The following PKIB variants were observed in gnomAD, a reference collection of about 807,000 sequenced individuals.
PKIB encodes the protein cAMP-dependent protein kinase inhibitor beta.
Under a neutral mutation model 4.5 loss-of-function variants are expected in PKIB, and 2 were observed. That is an observed-to-expected ratio of 0.44 (90% CI 0.18 to 1.39). The LOEUF (loss-of-function observed/expected upper bound fraction) is 1.39, where lower values mean the gene tolerates loss of function less well. Ranked by LOEUF, PKIB falls within the 40% of genes most tolerant of loss-of-function variation. PKIB has a pLI of 0.27. For missense variants in PKIB, 94 were observed against 92.6 expected, an observed-to-expected ratio of 1.02 and a Z score of -0.06; for synonymous variants, 38 against 36.0, an observed-to-expected ratio of 1.06 and a Z score of -0.20.
intron 3 of PKIB, among the ~76,000 whole-genome samples, chr6:122,589,070 C>T: frequency 6.6e-6 from 1 of 152,218 alleles, no homozygotes; most frequent in East Asian, 1.9e-4. Context: ...AGGAATATCT[C>T]TTCAACTAAG....
intron 1 of PKIB, among the ~76,000 whole-genome samples, chr6:122,627,378 T>A (rs777947988): frequency 6.6e-6 from 1 of 152,210 alleles, no homozygotes; most frequent in Non-Finnish European, 1.5e-5. Flanking sequence ...TGAGTTCAAA[T>A]GTATCACTTC....
intron 2 of PKIB, chr6:122,479,521 CAG>C (rs1775543820): frequency 1.3e-5 from 2 of 152,232 alleles, no homozygotes; most frequent in South Asian, 4.2e-4. Flanking sequence ...TATCACAAAA[CAG>C]AAATGAGAGT....
At chr6:122,576,858 G>T (rs925680619) in intron 2 of PKIB, among the ~76,000 whole-genome samples, 1 of 151,432 alleles carries the variant, frequency 6.6e-6, no homozygotes, top group East Asian at 1.9e-4. Context: ...GCCTGGCTTT[G>T]TGTGTAATTA....
intron 3 of PKIB, among the ~76,000 whole-genome samples, chr6:122,586,697 C>T (rs1773858029): frequency 6.6e-6 from 1 of 152,058 alleles, no homozygotes; most frequent in African/African-American, 2.4e-5. Context: ...TGTGTGTACT[C>T]CTTATAATTG....
intron 2 of PKIB, among the ~76,000 whole-genome samples, chr6:122,502,645 C>T (rs1776277210): frequency 6.6e-6 from 1 of 152,108 alleles, no homozygotes; most frequent in African/African-American, 2.4e-5. Flanking sequence ...CTAGGCCCTT[C>T]CTCAACCTGT....
At chr6:122,707,187 C>T (rs1244838449) in intron 3 of PKIB, among the ~76,000 whole-genome samples, 1 of 151,794 alleles carries the variant, frequency 6.6e-6, no homozygotes, top group Non-Finnish European at 1.5e-5. Flanking sequence ...GTTGTTTGCC[C>T]TTTGGTTGGG....
intron 1 of PKIB, among the ~76,000 whole-genome samples, chr6:122,616,712 T>G (rs1484484944): frequency 6.6e-6 from 1 of 150,582 alleles, no homozygotes; most frequent in African/African-American, 2.4e-5. Flanking sequence ...GGTGAGTAGT[T>G]TTTTTTTTTC....
intron 2 of PKIB, chr6:122,652,728 T>A (rs2114884516): frequency 6.6e-6 from 1 of 152,306 alleles, no homozygotes; most frequent in South Asian, 2.1e-4. Flanking sequence ...AGATTGAAGC[T>A]AATTATCCGC....
intron 1 of PKIB, among the ~76,000 whole-genome samples, chr6:122,623,618 T>C (rs2114796310): frequency 6.6e-6 from 1 of 152,284 alleles, no homozygotes; most frequent in African/African-American, 2.4e-5. Flanking sequence ...CTTTGTTGGC[T>C]TTGAGATCTG....
intron 2 of PKIB, among the ~76,000 whole-genome samples, chr6:122,665,815 C>A (rs956178387): frequency 1.3e-5 from 2 of 152,124 alleles, no homozygotes; most frequent in Non-Finnish European, 2.9e-5. Flanking sequence ...TCCTCCACCC[C>A]CTAACCTGAC....
At chr6:122,500,786 A>T (rs536199267) in intron 2 of PKIB, among the ~76,000 whole-genome samples, 1 of 152,194 alleles carries the variant, frequency 6.6e-6, no homozygotes, top group African/African-American at 2.4e-5. Flanking sequence ...TCACAGTTCT[A>T]CAAGCTGCAC....
In PKIB at chr6:122,586,599, T is replaced by C. The variant is rs12194285; in HGVS notation, c.-161+592T>C. Among the ~76,000 whole-genome samples the C allele has an allele frequency of 1.1e-3, 173 of 152,312 alleles. 1 individual carries two copies. Among genetic ancestry groups the C allele is most frequent in the Non-Finnish European group, 2.1e-3 (142 of 68,012 alleles). Reference sequence around the variant, plus strand: ...TGGTTATATTTTTCTCTTCAGTCTTTACTGAGTATTAAATTCACCAAAGTC... The same window carrying C: ...TGGTTATATTTTTCTCTTCAGTCTTCACTGAGTATTAAATTCACCAAAGTC... On this transcript the variant is annotated intron_variant, in intron 3 of 6. Transcript: ENST00000392491.
intron 2 of PKIB, among the ~76,000 whole-genome samples, chr6:122,508,996 A>G (rs1345598191): frequency 6.6e-6 from 1 of 151,998 alleles, no homozygotes; most frequent in African/African-American, 2.4e-5. Flanking sequence ...TGATCCGCCC[A>G]CCTCAGCCTC....
chr6:122,524,533 G>A (rs1292397975), intron 2 of PKIB, among the ~76,000 whole-genome samples: 1 of 151,904 alleles, frequency 6.6e-6, no homozygotes, highest in African/African-American at 2.4e-5. Context: ...TCAATTTTTT[G>A]GAAAAGTTTT....
intron 2 of PKIB, among the ~76,000 whole-genome samples, chr6:122,498,213 G>A (rs1444081700): frequency 3.3e-5 from 5 of 152,200 alleles, no homozygotes; most frequent in Admixed American, 6.5e-5. Flanking sequence ...TGGCTTGGGA[G>A]GCCTCACAAT....
exon 1 of PKIB, chr6:122,471,935 C>G (rs1188193806): frequency 1.6e-6 from 2 of 1,226,810 alleles, no homozygotes; most frequent in South Asian, 1.7e-5. Flanking sequence ...ATGCGCGTCA[C>G]TAGACGACAC....
At chr6:122,652,431 T>G (rs1466091680) in intron 2 of PKIB, among the ~76,000 whole-genome samples, 2 of 152,104 alleles carry the variant, frequency 1.3e-5, no homozygotes, top group Middle Eastern at 6.8e-3. Context: ...AGCTGGGAAT[T>G]CCTTGGAGGA....
chr6:122,663,680 C>T (rs1777104142), intron 2 of PKIB, among the ~76,000 whole-genome samples: 1 of 152,266 alleles, frequency 6.6e-6, no homozygotes, highest in Non-Finnish European at 1.5e-5. Context: ...TTTACGTTGT[C>T]TTCCCTCCTT....
At chr6:122,513,294 C>T (rs76225977) in intron 2 of PKIB, among the ~76,000 whole-genome samples, 19 of 152,316 alleles carry the variant, frequency 1.2e-4, no homozygotes, top group African/African-American at 4.6e-4. Context: ...ATTGACAGTA[C>T]ACCAGTCTGA....
Sources: gnomAD v4.1 joint callset for allele counts (sites outside exome capture counted in the v4.1 genomes callset) on GRCh38, gnomAD v4.1.1 for gene constraint, MANE v1.5 for transcripts, NCBI Gene and HGNC (gene_info 2026-07-23, HGNC 2026-07-21) for gene names.